The following MSRB3 variants were observed in gnomAD, a reference collection of about 807,000 sequenced individuals.
The protein encoded by MSRB3 is methionine sulfoxide reductase B3.
A neutral mutation model predicts 21.0 loss-of-function variants in MSRB3; 13 were observed. The observed-to-expected ratio is 0.62, with a 90% confidence interval of 0.40 to 0.98. The LOEUF (loss-of-function observed/expected upper bound fraction) is 0.98, where lower values mean the gene tolerates loss of function less well. MSRB3 is among the 50% of genes least tolerant of loss of function. The probability of loss-of-function intolerance (pLI) is 0.00; values close to 1 mark genes in which losing one functional copy is unlikely to be tolerated. For missense variants in MSRB3, 199 were observed against 230.3 expected (o/e 0.86, Z 0.88); for synonymous variants, 87 against 88.6 (o/e 0.98, Z 0.10).
At chr12:65,393,808 A>G (rs1186113468) in intron 5 of MSRB3, among the ~76,000 whole-genome samples, 1 of 152,060 alleles carries the variant, frequency 6.6e-6, no homozygotes, top group Non-Finnish European at 1.5e-5. Flanking sequence ...CCGTAATCCT[A>G]TGACTCAGTG....
intron 5 of MSRB3, among the ~76,000 whole-genome samples, chr12:65,425,194 T>C (rs953782656): frequency 2.1e-5 from 3 of 145,684 alleles, no homozygotes; most frequent in Non-Finnish European, 3.1e-5. Flanking sequence ...TCTTGGTTTC[T>C]ATTTACATGG....
chr12:65,416,152 A>C (rs1880961524), intron 5 of MSRB3, among the ~76,000 whole-genome samples: 2 of 152,220 alleles, frequency 1.3e-5, no homozygotes, highest in South Asian at 4.1e-4. Context: ...TACATCTTAA[A>C]GGAAGCCAAT....
intron 1 of MSRB3, among the ~76,000 whole-genome samples, chr12:65,296,322 C>T (rs563933823): frequency 6.6e-6 from 1 of 152,260 alleles, no homozygotes; most frequent in Admixed American, 6.5e-5. Context: ...TGCACCACAG[C>T]CACACATACA....
intron 5 of MSRB3, chr12:65,419,865 G>A: frequency 2.9e-6 from 2 of 682,586 alleles, no homozygotes; most frequent in South Asian, 2.9e-5. Flanking sequence ...CCGGAAGCTG[G>A]TGGAGCAGGA....
intron 2 of MSRB3, among the ~76,000 whole-genome samples, chr12:65,315,540 C>T (rs567961243): frequency 3.9e-4 from 59 of 151,826 alleles, no homozygotes; most frequent in African/African-American, 1.3e-3. Context: ...CCTGGTGGTG[C>T]GCCTGTAATC....
intron 2 of MSRB3, among the ~76,000 whole-genome samples, chr12:65,313,154 T>C (rs1278700507): frequency 1.3e-5 from 2 of 152,176 alleles, no homozygotes; most frequent in Non-Finnish European, 2.9e-5. Context: ...CGTAGTATAC[T>C]TAGCATAAGA....
intron 4 of MSRB3, among the ~76,000 whole-genome samples, chr12:65,337,489 T>G (rs953492370): frequency 8.5e-4 from 125 of 146,816 alleles, no homozygotes; most frequent in African/African-American, 2.9e-3. Context: ...ATAACCATAG[T>G]CAAGTTATTT....
intron 4 of MSRB3, among the ~76,000 whole-genome samples, chr12:65,345,548 C>T (rs941603906): frequency 9.2e-5 from 14 of 151,998 alleles, no homozygotes; most frequent in East Asian, 1.9e-4. Context: ...TGATAACACA[C>T]GTAGGAAATG....
intron 6 of MSRB3, chr12:65,454,195 G>T (rs1882988094): frequency 4.2e-6 from 2 of 472,170 alleles, no homozygotes; most frequent in Non-Finnish European, 7.7e-6. Flanking sequence ...GGCTGAAGCA[G>T]GAGAATCACT....
intron 5 of MSRB3, among the ~76,000 whole-genome samples, chr12:65,423,525 C>A (rs1266158434): frequency 6.6e-6 from 1 of 152,052 alleles, no homozygotes. Context: ...CCTACTATAC[C>A]TAATTTGTTG....
At chr12:65,307,982 G>C (rs560943945) in intron 1 of MSRB3, among the ~76,000 whole-genome samples, 1 of 152,284 alleles carries the variant, frequency 6.6e-6, no homozygotes, top group South Asian at 2.1e-4. Context: ...TCTCCAGGGA[G>C]GGAGATTTGC....
chr12:65,307,289 A>G (rs1873711503), intron 1 of MSRB3, among the ~76,000 whole-genome samples: 3 of 152,184 alleles, frequency 2.0e-5, no homozygotes, highest in African/African-American at 7.2e-5. Context: ...TAGTAACACA[A>G]AAATGTTTTA....
At chr12:65,346,058 T>A (rs1876482150) in intron 4 of MSRB3, among the ~76,000 whole-genome samples, 1 of 152,174 alleles carries the variant, frequency 6.6e-6, no homozygotes, top group African/African-American at 2.4e-5. Context: ...TGTGCATGTG[T>A]CTTTATAGCA....
At chr12:65,437,096 C>G (rs1882153971) in intron 5 of MSRB3, among the ~76,000 whole-genome samples, 1 of 151,988 alleles carries the variant, frequency 6.6e-6, no homozygotes, top group African/African-American at 2.4e-5. Context: ...TCCAGTTTTT[C>G]TGAACCTCTT....
In MSRB3 at chr12:65,387,225, TAA is replaced by T. The variant is rs1879238632; in HGVS notation, c.292+18201_292+18202del. On this transcript the variant is annotated intron_variant, in intron 5 of 6. Coordinates refer to ENST00000308259, the MANE Select transcript of MSRB3 (RefSeq NM_001031679.3). ...ATATAAAATCAATGCAAATAATGGC[TAA>T]AGAGTCTACACATTTTTATGACTTT... 2.0e-5 allele frequency among the ~76,000 whole-genome samples: 3 copies of T among 152,062 alleles called. No individual in the cohort carries two copies. The South Asian group carries it at 6.2e-4, about 31-fold the overall frequency.
intron 2 of MSRB3, among the ~76,000 whole-genome samples, chr12:65,313,330 A>G (rs935393624): frequency 6.6e-6 from 1 of 152,112 alleles, no homozygotes; most frequent in African/African-American, 2.4e-5. Flanking sequence ...CATTAATAGA[A>G]CTGATGTACT....
intron 4 of MSRB3, among the ~76,000 whole-genome samples, chr12:65,366,051 G>A (rs931592984): frequency 2.6e-5 from 4 of 152,148 alleles, no homozygotes; most frequent in Admixed American, 6.6e-5. Context: ...GCCAGGCATC[G>A]AGTTCCAAAG....
chr12:65,431,551 C>T (rs955900742), intron 5 of MSRB3, among the ~76,000 whole-genome samples: 2 of 151,954 alleles, frequency 1.3e-5, no homozygotes, highest in Non-Finnish European at 2.9e-5. Context: ...ATGTAGCTAT[C>T]GATGAGAAAT....
At chr12:65,435,642 T>C (rs1882080718) in intron 5 of MSRB3, among the ~76,000 whole-genome samples, 1 of 151,920 alleles carries the variant, frequency 6.6e-6, no homozygotes, top group African/African-American at 2.4e-5. Context: ...AGGTTATATT[T>C]TCTATAAAGC....
Sources: gnomAD v4.1 joint callset for allele counts (sites outside exome capture counted in the v4.1 genomes callset) on GRCh38, gnomAD v4.1.1 for gene constraint, MANE v1.5 for transcripts, NCBI Gene and HGNC (gene_info 2026-07-23, HGNC 2026-07-21) for gene names.